The following C1QBP variants were observed in gnomAD, a reference collection of about 807,000 sequenced individuals.
The protein encoded by C1QBP is complement component 1 Q subcomponent-binding protein, mitochondrial.
Under a neutral mutation model 29.4 loss-of-function variants are expected in C1QBP, and 24 were observed. The ratio of observed to expected loss-of-function variants is 0.82; its 90% CI spans 0.59 to 1.15. C1QBP has a LOEUF of 1.15. C1QBP is among the 50% of genes most tolerant of loss of function. The pLI, the probability that C1QBP is intolerant of heterozygous loss-of-function variation, is 0.00. For synonymous variants in C1QBP, 182 were observed against 149.2 expected (o/e 1.22, Z -1.60); for missense variants, 337 against 355.8 (o/e 0.95, Z 0.43).
chr17:5,432,846 AAAAAAATGATAATAAATGAGAACAC>A lies in C1QBP; in HGVS notation c.*144_*168del. On this transcript the variant is annotated 3_prime_UTR_variant, in exon 6 of 6. Transcript: ENST00000225698. Reference sequence around the variant, plus strand: ...ATCTAGAAATAATAGATTTGTACAGAAAAAAATGATAATAAATGAGAACACAAAACATATAATTTAAATTTGGTAT... The same window carrying A: ...ATCTAGAAATAATAGATTTGTACAGAAAAACATATAATTTAAATTTGGTAT... The A allele has an allele frequency of 3.1e-6, 3 of 963,556 alleles. No homozygotes were observed. Among genetic ancestry groups the A allele is most frequent in the Non-Finnish European group, 4.4e-6 (3 of 683,440 alleles). The allele number at this position is 963,556 out of a possible 1,614,324, so 59.7% of individuals were successfully genotyped here. A position where few individuals can be genotyped will look rare whatever the true frequency, so the allele number is the denominator to read the frequency against.
At chr17:5,436,835 C>A (rs572786412) in intron 2 of C1QBP, among the ~76,000 whole-genome samples, 1 of 152,114 alleles carries the variant, frequency 6.6e-6, no homozygotes, top group Non-Finnish European at 1.5e-5. Flanking sequence ...CTGGCCAACA[C>A]GGTGAAACCC....
At position 5,434,389 on chromosome 17, in the gene C1QBP, A is replaced by C. The variant is rs577162097; in HGVS notation, c.477+484T>G. Among the ~76,000 whole-genome samples, 3 of 151,818 alleles carry C rather than the reference A, an allele frequency of 2.0e-5. No homozygotes were observed. In the South Asian group the frequency reaches 6.2e-4, roughly 32 times the overall value. On this transcript the variant is annotated intron_variant, in intron 3 of 5. Transcript: ENST00000225698. ...ATACTGGCTGGTTACTAGGCTGGGC[A>C]CAGCACTTCCTGAAATGTTTGAAGA...
chr17:5,437,662 T>C (rs1164852966), intron 2 of C1QBP, among the ~76,000 whole-genome samples: 5 of 152,028 alleles, frequency 3.3e-5, no homozygotes, highest in African/African-American at 1.2e-4. Flanking sequence ...AATGAGATTA[T>C]GGATGACTAT....
At chr17:5,438,678 G>C in intron 1 of C1QBP, 164 bp downstream of exon 1, 1 of 1,439,070 alleles carries the variant, frequency 6.9e-7, no homozygotes, top group South Asian at 1.3e-5. Context: ...GAAACTGCTG[G>C]ATAGGGGAGG....
chr17:5,433,624 C>G (rs1916172331), intron 4 of C1QBP, 45 bp downstream of exon 4: 4 of 1,587,540 alleles, frequency 2.5e-6, no homozygotes, highest in South Asian at 1.1e-5. Context: ...AAGGGACACA[C>G]TGTTCCCCAG....
chr17:5,433,189 TAAAAA>T (rs200276588), intron 5 of C1QBP, 25 bp from the exon 6 acceptor site: 6 of 1,600,926 alleles, frequency 3.7e-6, no homozygotes, highest in African/African-American at 1.4e-5. Flanking sequence ...ATTTACTAGT[TAAAAA>T]AAAATCTGTA....
At position 5,432,854 on chromosome 17, in the gene C1QBP, GA is replaced by G; in HGVS notation, c.*160del. 1.0e-6 allele frequency: 1 copy of G among 953,680 alleles called. No homozygotes were observed. Among genetic ancestry groups the G allele is most frequent in the Non-Finnish European group, 1.5e-6 (1 of 673,970 alleles). The allele number at this position is 953,680 out of a possible 1,614,324, so 59.1% of individuals were successfully genotyped here. A position where few individuals can be genotyped will look rare whatever the true frequency, so the allele number is the denominator to read the frequency against. On this transcript the variant is annotated 3_prime_UTR_variant, in exon 6 of 6. Transcript: ENST00000225698. ...ATAATAGATTTGTACAGAAAAAAAT[GA>G]TAATAAATGAGAACACAAAACATAT...
intron 3 of C1QBP, 34 bp from the exon 4 acceptor site, chr17:5,433,801 T>C: frequency 6.4e-7 from 1 of 1,556,588 alleles, no homozygotes. Flanking sequence ...ATGCTGCTGC[T>C]GGAAGGAGAT....
At chr17:5,433,900 T>G in intron 3 of C1QBP, 133 bp from the exon 4 acceptor site, 1 of 769,612 alleles carries the variant, frequency 1.3e-6, no homozygotes, top group East Asian at 2.5e-5. Flanking sequence ...TCTTATGCCA[T>G]ACTATTCCCA....
intron 3 of C1QBP, 65 bp from the exon 4 acceptor site, chr17:5,433,832 T>C: frequency 2.1e-6 from 3 of 1,409,858 alleles, no homozygotes; most frequent in Non-Finnish European, 2.0e-6. Context: ...ATCAAGGATC[T>C]CTGTTCAGAG....
chr17:5,433,089 G>A lies in C1QBP; in HGVS notation c.775C>T (p.Leu259Phe), dbSNP rs766888512. The change falls in exon 6 of 6, where the codon CTC becomes TTC. Residue 259 changes from leucine to phenylalanine, a missense_variant. Transcript: ENST00000225698. ...TCCTGGTGCTCCAGGGCTGTGCTGA[G>A]CTCCACCAGCTCATCTGCAAAAGTG... ...DNTFADELVE[L>F]STALEHQEYI... is the part of the protein sequence containing the mutation. 1 of 1,614,138 alleles carries A rather than the reference G, an allele frequency of 6.2e-7. No individual in the cohort carries two copies. Among genetic ancestry groups the A allele is most frequent in the South Asian group, 1.1e-5 (1 of 91,064 alleles).
rs1015118445 is a variant in C1QBP at position 5,438,962 on chromosome 17, G to T, written c.112C>A (p.Leu38Met). ...AGCAGCCCGAAGGGCCGGGTGCACA[G>T]CCGGGGTGCCGGCTGCAGGAGCTGC... is the stretch of plus-strand genomic sequence containing the variant. ...FRQLLQPAPR[L>M]CTRPFGLLSV... Residue 38 changes from leucine (L) to methionine (M), a missense_variant, in exon 1 of 6, where the codon CTG becomes ATG. Transcript: ENST00000225698. 4.4e-5 allele frequency: 66 copies of T among 1,502,456 alleles called. No individual in the cohort carries two copies. The highest frequency in any genetic ancestry group is 5.6e-5 in the Non-Finnish European group (63 of 1,128,366). The allele number at this position is 1,502,456 out of a possible 1,614,324, so 93.1% of individuals were successfully genotyped here. A position where few individuals can be genotyped will look rare whatever the true frequency, so the allele number is the denominator to read the frequency against.
Position 5,434,919 on chromosome 17 carries a change from T to C in C1QBP, c.431A>G (p.Asp144Gly). Residue 144 changes from aspartate (D) to glycine (G), a missense_variant, in exon 3 of 6, where the codon GAT becomes GGT. Physicochemically the swap from Asp to Gly is moderately conservative, Grantham distance 94. Transcript: ENST00000225698. ...NINNSIPPTFDGEEEPSQGQK... is the reference protein window; with the variant it reads ...NINNSIPPTFGGEEEPSQGQK... ...CCCTTGCGAGGGTTCCTCCTCACCA[T>C]CAAATGTTGGTGGGATGCTGTTGTT... The C allele has an allele frequency of 6.2e-7, 1 of 1,614,122 alleles. No homozygotes were observed. The highest frequency in any genetic ancestry group is 8.5e-7 in the Non-Finnish European group (1 of 1,179,968).
chr17:5,435,874 C>CAAAAAAAAAAAA (rs200057698), intron 2 of C1QBP, among the ~76,000 whole-genome samples: 1 of 105,650 alleles, frequency 9.5e-6, no homozygotes, highest in Admixed American at 1.0e-4. Flanking sequence ...CTAAAAAATA[C>CAAAAAAAAAAAA]AAAAAAAAAA....
In C1QBP at chr17:5,434,807, C is replaced by G; in HGVS notation, c.477+66G>C. The G allele has an allele frequency of 2.8e-6, 4 of 1,425,340 alleles. No homozygotes were observed. The South Asian group carries it at 4.8e-5, about 17-fold the overall frequency. The allele number at this position is 1,425,340 out of a possible 1,614,324, so 88.3% of individuals were successfully genotyped here. A position where few individuals can be genotyped will look rare whatever the true frequency, so the allele number is the denominator to read the frequency against. On this transcript the variant is annotated intron_variant, in intron 3 of 5. Coordinates refer to ENST00000225698, the MANE Select transcript of C1QBP (RefSeq NM_001212.4). ...TTTTGAAAGACCAAAGAAAAACGCT[C>G]CTCCTCTAAGCCCCAGGCACAGCCT...
rs1458904166 is a variant in C1QBP at position 5,433,177 on chromosome 17, ATAT to A, written c.700-16_700-14del. ...GGTCATATAAGGCCTGCAAAGAACA[ATAT>A]TTACTAGTTAAAAAAAAATCTGTAA... On this transcript the variant is annotated splice_polypyrimidine_tract_variant and intron_variant, in intron 5 of 5. Transcript: ENST00000225698. 1.9e-6 allele frequency: 3 copies of A among 1,609,398 alleles called. No homozygotes were observed. The highest frequency in any genetic ancestry group is 3.4e-5 in the Admixed American group (2 of 58,742).
In C1QBP at chr17:5,439,013, C is replaced by G; in HGVS notation, c.61G>C (p.Ala21Pro). ...VLGSSVAGLRAAAPASPFRQL... is the reference protein window; with the variant it reads ...VLGSSVAGLRPAAPASPFRQL... ...CGGAAAGGCGAGGCGGGCGCGGCAG[C>G]GCGGAGGCCGGCGACGGAGGAGCCC... Residue 21 changes from alanine to proline, a missense_variant, in exon 1 of 6, where the codon GCT (alanine) becomes CCT (proline). Coordinates refer to ENST00000225698, the MANE Select transcript of C1QBP (RefSeq NM_001212.4). The G allele has an allele frequency of 1.3e-6, 2 of 1,494,386 alleles. No individual in the cohort carries two copies. The highest frequency in any genetic ancestry group is 1.8e-6 in the Non-Finnish European group (2 of 1,124,020). The allele number at this position is 1,494,386 out of a possible 1,614,324, so 92.6% of individuals were successfully genotyped here. A position where few individuals can be genotyped will look rare whatever the true frequency, so the allele number is the denominator to read the frequency against.
rs1597351341 is a variant in C1QBP, at chr17:5,439,014, G to C, written c.60C>G (p.Arg20=). ...RVLGSSVAGL[R]AAAPASPFRQ... is the part of the protein sequence containing the mutation. ...GGAAAGGCGAGGCGGGCGCGGCAGC[G>C]CGGAGGCCGGCGACGGAGGAGCCCA... Residue 20 remains arginine (R), a synonymous_variant, in exon 1 of 6, where the codon CGC becomes CGG. Coordinates refer to ENST00000225698, the MANE Select transcript of C1QBP (RefSeq NM_001212.4). The C allele has an allele frequency of 6.7e-7, 1 of 1,496,428 alleles. No individual in the cohort carries two copies. Among genetic ancestry groups the C allele is most frequent in the East Asian group, 2.8e-5 (1 of 35,694 alleles). The allele number at this position is 1,496,428 out of a possible 1,614,324, so 92.7% of individuals were successfully genotyped here.
intron 2 of C1QBP, among the ~76,000 whole-genome samples, chr17:5,435,399 C>G (rs926352715): frequency 6.6e-6 from 1 of 152,116 alleles, no homozygotes; most frequent in South Asian, 2.1e-4. Flanking sequence ...GGAACAGAAG[C>G]CCCTTTAAGA....
Sources: allele counts gnomAD v4.1 joint callset (sites outside exome capture counted in the v4.1 genomes callset), GRCh38; gene constraint gnomAD v4.1.1; transcripts MANE v1.5; gene names NCBI Gene and HGNC (gene_info 2026-07-23, HGNC 2026-07-21).